The following WNT2 variants were observed in gnomAD, a reference collection of about 807,000 sequenced individuals.
The protein encoded by WNT2 is protein Wnt-2.
Under a neutral mutation model 36.9 loss-of-function variants are expected in WNT2, and 12 were observed. That is an observed-to-expected ratio of 0.33 (90% CI 0.21 to 0.53). The LOEUF is 0.53. Ranked by LOEUF, WNT2 falls within the 20% of genes least tolerant of loss-of-function variation. The pLI, the probability that WNT2 is intolerant of heterozygous loss-of-function variation, is 0.95. For missense variants in WNT2, 379 were observed against 473.1 expected (o/e 0.80, Z 1.84); for synonymous variants, 163 against 174.6 (o/e 0.93, Z 0.52).
chr7:117,309,577 A>G (rs939620442), intron 3 of WNT2, among the ~76,000 whole-genome samples: 16 of 152,220 alleles, frequency 1.1e-4, no homozygotes, highest in African/African-American at 3.6e-4. Context: ...CAAACTGTAT[A>G]ATAATGGTAC....
chr7:117,319,522 T>TGGG (rs67181334), intron 2 of WNT2, among the ~76,000 whole-genome samples: 9 of 122,268 alleles, frequency 7.4e-5, no homozygotes, highest in African/African-American at 6.3e-5. Flanking sequence ...TCTTAGGAAT[T>TGGG]GGGGGGGGGG....
At chr7:117,300,964 G>A (rs1794893371) in intron 3 of WNT2, 1 of 152,154 alleles carries the variant, frequency 6.6e-6, no homozygotes, top group South Asian at 2.1e-4. Context: ...GGGTTCTGGG[G>A]ATGCTGTTGA....
chr7:117,308,688 AT>A (rs1451022057), intron 3 of WNT2, among the ~76,000 whole-genome samples: 1 of 152,188 alleles, frequency 6.6e-6, no homozygotes, highest in Non-Finnish European at 1.5e-5. Flanking sequence ...GATGCTCAAG[AT>A]TGTTGAAGGG....
At chr7:117,313,228 G>A (rs966484028) in intron 3 of WNT2, among the ~76,000 whole-genome samples, 2 of 152,150 alleles carry the variant, frequency 1.3e-5, no homozygotes, top group South Asian at 2.1e-4. Flanking sequence ...AATTAGAGAC[G>A]CATGTTTATC....
At chr7:117,320,469 T>C (rs1012438228) in intron 2 of WNT2, 98 bp downstream of exon 2, 46 of 1,224,704 alleles carry the variant, frequency 3.8e-5, no homozygotes, top group Non-Finnish European at 5.0e-5. Flanking sequence ...TCTGATGGAA[T>C]AAAATGCAAT....
intron 2 of WNT2, 68 bp from the exon 3 acceptor site, chr7:117,315,416 A>G (rs1327074846): frequency 5.2e-5 from 76 of 1,466,784 alleles, no homozygotes; most frequent in East Asian, 1.7e-4. Context: ...TCATATGACA[A>G]TTGTTTAATA....
Position 117,278,367 on chromosome 7 carries a change from C to T in WNT2, c.871G>A (p.Gly291Ser). 1 of 1,613,778 alleles carries T rather than the reference C, an allele frequency of 6.2e-7. No individual in the cohort carries two copies. Among genetic ancestry groups the T allele is most frequent in the Non-Finnish European group, 8.5e-7 (1 of 1,179,860 alleles). Residue 291 changes from glycine (G) to serine (S), a missense_variant, in exon 5 of 5, where the codon GGC becomes AGC. By Grantham distance (56) the Gly-to-Ser change is moderately conservative. Transcript: ENST00000265441. ...DREAGSLGTA[G>S]RVCNLTSRGM... is the part of the protein sequence containing the mutation. ...CGGGAAGTCAGGTTGCACACACGGC[C>T]TGCTGTACCCAGGGAGCCTGGAAGA... is the stretch of plus-strand genomic sequence containing the variant.
At chr7:117,281,701 C>A (rs113038534) in intron 4 of WNT2, among the ~76,000 whole-genome samples, 4 of 151,932 alleles carry the variant, frequency 2.6e-5, no homozygotes, top group African/African-American at 9.7e-5. Flanking sequence ...AGAGATATTG[C>A]GTGAAGAAAC....
chr7:117,323,024 C>CGTGTG lies in WNT2; in HGVS notation c.-40_-36dup. ...CTTGCGTCTGCATCAGGTCAGACTCCGTGTGCGGGCGCCATGCGTGCCCAG... is the reference window on the plus strand; with the variant it reads ...CTTGCGTCTGCATCAGGTCAGACTCCGTGTGGTGTGCGGGCGCCATGCGTGCCCAG... On this transcript the variant is annotated 5_prime_UTR_variant, in exon 1 of 5. It removes the in-frame stop codon of an upstream open reading frame in the 5' UTR. Coordinates refer to ENST00000265441, the MANE Select transcript of WNT2 (RefSeq NM_003391.3). 3 of 1,568,466 alleles carry CGTGTG rather than the reference C, an allele frequency of 1.9e-6. No homozygotes were observed. The highest frequency in any genetic ancestry group is 2.6e-6 in the Non-Finnish European group (3 of 1,156,006).
At chr7:117,285,983 T>C (rs1794571838) in intron 4 of WNT2, among the ~76,000 whole-genome samples, 1 of 152,164 alleles carries the variant, frequency 6.6e-6, no homozygotes, top group Non-Finnish European at 1.5e-5. Context: ...CTAAACCCAG[T>C]GTCTATAAGA....
At chr7:117,318,818 G>A (rs549134728) in intron 2 of WNT2, among the ~76,000 whole-genome samples, 3 of 152,218 alleles carry the variant, frequency 2.0e-5, no homozygotes, top group African/African-American at 4.8e-5. Flanking sequence ...CCTCTAGTTC[G>A]AACCTCCTTC....
chr7:117,319,581 A>G (rs1795287700), intron 2 of WNT2, among the ~76,000 whole-genome samples: 1 of 152,026 alleles, frequency 6.6e-6, no homozygotes, highest in Non-Finnish European at 1.5e-5. Flanking sequence ...TTTGCACATA[A>G]ACTGCTGTGT....
chr7:117,314,953 G>C (rs1795186583), intron 3 of WNT2, 118 bp downstream of exon 3: 1 of 1,424,902 alleles, frequency 7.0e-7, no homozygotes, highest in Non-Finnish European at 9.5e-7. Context: ...CTGGGGGACA[G>C]TAGGAAGTTG....
At chr7:117,306,918 T>C (rs1433904252) in intron 3 of WNT2, among the ~76,000 whole-genome samples, 3 of 152,228 alleles carry the variant, frequency 2.0e-5, no homozygotes, top group Non-Finnish European at 4.4e-5. Flanking sequence ...AGCTCTTCAA[T>C]AGGCTCATAA....
intron 4 of WNT2, 150 bp downstream of exon 4, chr7:117,297,462 G>T: frequency 9.8e-7 from 1 of 1,023,814 alleles, no homozygotes; most frequent in South Asian, 1.9e-5. Flanking sequence ...GAGCCACCGC[G>T]CCCAGCCCTG....
intron 4 of WNT2, among the ~76,000 whole-genome samples, chr7:117,290,013 G>A (rs1164308160): frequency 1.3e-5 from 2 of 152,122 alleles, no homozygotes; most frequent in Non-Finnish European, 2.9e-5. Context: ...GATGAGGAGG[G>A]CTGGGGGAAA....
At position 117,295,909 on chromosome 7, in the gene WNT2, T is replaced by A. The variant is rs544142568; in HGVS notation, c.853+1703A>T. 5.9e-5 allele frequency among the ~76,000 whole-genome samples: 9 copies of A among 152,288 alleles called. No individual in the cohort carries two copies. In the Middle Eastern group the frequency reaches 0.014, roughly 230 times the overall value. On this transcript the variant is annotated intron_variant, in intron 4 of 4. Coordinates refer to ENST00000265441, the MANE Select transcript of WNT2 (RefSeq NM_003391.3). ...TGTTGATCATCTAGGAGCCACCTCT[T>A]ATTCAATTTTTTCTGGTTAGTAACA...
intron 4 of WNT2, among the ~76,000 whole-genome samples, chr7:117,296,251 G>A (rs1005650272): frequency 2.0e-5 from 3 of 152,168 alleles, no homozygotes; most frequent in African/African-American, 7.2e-5. Context: ...GGAATGCAGC[G>A]GGGCACAGCA....
intron 4 of WNT2, among the ~76,000 whole-genome samples, chr7:117,282,234 C>G (rs924113031): frequency 1.3e-5 from 2 of 152,108 alleles, no homozygotes; most frequent in Admixed American, 1.3e-4. Context: ...TTTATCTGGG[C>G]ACAGGTCATG....
Sources: gnomAD v4.1 joint callset for allele counts (sites outside exome capture counted in the v4.1 genomes callset) on GRCh38, gnomAD v4.1.1 for gene constraint, MANE v1.5 for transcripts, NCBI Gene and HGNC (gene_info 2026-07-23, HGNC 2026-07-21) for gene names.